Variants in RAB3IL1 observed in about 807,000 individuals in gnomAD.
The protein encoded by RAB3IL1 is guanine nucleotide exchange factor for Rab-3A.
Under a neutral mutation model 49.2 loss-of-function variants are expected in RAB3IL1, and 37 were observed. The ratio of observed to expected loss-of-function variants is 0.75; its 90% confidence interval spans 0.58 to 0.99. RAB3IL1 has a LOEUF of 0.99. Among genes scored for constraint, RAB3IL1 ranks in the 50% least tolerant of loss-of-function variants. The pLI, the probability that RAB3IL1 is intolerant of heterozygous loss-of-function variation, is 0.00. For synonymous variants in RAB3IL1, 193 were observed against 213.9 expected, an observed-to-expected ratio of 0.90 and a Z score of 0.85; for missense variants, 484 against 513.0, an observed-to-expected ratio of 0.94 and a Z score of 0.55.
chr11:61,913,985 A>C lies in RAB3IL1; in HGVS notation c.11+3372T>G, dbSNP rs185391211. 6.6e-5 allele frequency among the ~76,000 whole-genome samples: 10 copies of C among 152,342 alleles called. No homozygotes were observed. The East Asian group carries it at 1.3e-3, about 21-fold the overall frequency. ...AAGATCTCCACCTGTTGAGGGGTAG[A>C]GTAGGCAGTTAGATCACGGAGGGCT... On this transcript the variant is annotated intron_variant, in intron 1 of 9. Coordinates refer to ENST00000394836, the MANE Select transcript of RAB3IL1 (RefSeq NM_013401.4).
At chr11:61,900,825 G>A (rs1213639198) in intron 8 of RAB3IL1, among the ~76,000 whole-genome samples, 1 of 152,206 alleles carries the variant, frequency 6.6e-6, no homozygotes, top group African/African-American at 2.4e-5. Context: ...TAAAGTGCTA[G>A]AGGTGACATT....
chr11:61,934,986 T>A, the RAB3IL1 span, among the ~76,000 whole-genome samples: 1 of 152,108 alleles, frequency 6.6e-6, no homozygotes, highest in African/African-American at 2.4e-5. Flanking sequence ...CAAGCCTCAA[T>A]AACAAACTCT....
chr11:61,921,413 G>C (rs1183882005), upstream of RAB3IL1, among the ~76,000 whole-genome samples: 1 of 152,172 alleles, frequency 6.6e-6, no homozygotes, highest in Non-Finnish European at 1.5e-5. Flanking sequence ...CCATTGCCCA[G>C]ATGTGCCCAT....
chr11:61,899,726 G>GTTTTT, intron 8 of RAB3IL1: 25 of 284,666 alleles, frequency 8.8e-5, no homozygotes, highest in South Asian at 1.2e-4. Context: ...CAGCAGAGCT[G>GTTTTT]TGAGATGAAC....
In RAB3IL1 at chr11:61,898,480, C is replaced by T. The variant is rs1037943842; in HGVS notation, c.1067-120G>A. 3 of 784,582 alleles carry T rather than the reference C, an allele frequency of 3.8e-6. No homozygotes were observed. The Admixed American group carries it at 6.1e-5, about 16-fold the overall frequency. 48.6% of individuals were successfully genotyped at this position (784,582 alleles called of 1,614,324 possible). A position where few individuals can be genotyped will look rare whatever the true frequency, so the allele number is the denominator to read the frequency against. ...TGGCACAGCACCCTAGGGTCCCCGG[C>T]CCCCAAAACAGATGACCTCAGTGAG... On this transcript the variant is annotated intron_variant, in intron 9 of 9. Transcript: ENST00000394836. The surrounding 1 kb of genome is among the most constrained non-coding windows in gnomAD (Gnocchi z 5.1).
the RAB3IL1 span, among the ~76,000 whole-genome samples, chr11:61,943,431 G>A: frequency 6.6e-6 from 1 of 152,186 alleles, no homozygotes; most frequent in African/African-American, 2.4e-5. Flanking sequence ...GGATTTGACA[G>A]TGTCAAAATT....
At chr11:61,899,753 G>A (rs1850306305) in intron 8 of RAB3IL1, 1 of 211,786 alleles carries the variant, frequency 4.7e-6, no homozygotes, top group Non-Finnish European at 9.7e-6. Flanking sequence ...GGCTGTCCCG[G>A]AGTCTACACT....
chr11:61,902,736 C>G (rs549702716), intron 7 of RAB3IL1, among the ~76,000 whole-genome samples, 195 bp from the exon 8 acceptor site: 2 of 152,202 alleles, frequency 1.3e-5, no homozygotes, highest in Non-Finnish European at 2.9e-5. Context: ...GGACAGACCT[C>G]GAACTAAGCT....
chr11:61,932,957 G>A, the RAB3IL1 span, among the ~76,000 whole-genome samples: 1 of 151,980 alleles, frequency 6.6e-6, no homozygotes. Flanking sequence ...TTTTAGTTGA[G>A]ACAGGATTTC....
chr11:61,915,710 T>C (rs556624499), intron 1 of RAB3IL1, among the ~76,000 whole-genome samples: 1 of 152,212 alleles, frequency 6.6e-6, no homozygotes, highest in African/African-American at 2.4e-5. Flanking sequence ...TGCCAACAAA[T>C]ACACTAGTGG....
In RAB3IL1 at chr11:61,897,517, G is replaced by C. The variant is rs1938682662; in HGVS notation, c.*761C>G. 6.6e-6 allele frequency: 1 copy of C among 152,304 alleles called. No individual in the cohort carries two copies. The highest frequency in any genetic ancestry group is 2.4e-5 in the African/African-American group (1 of 41,426). 9.4% of individuals were successfully genotyped at this position (152,304 alleles called of 1,614,324 possible). A position where few individuals can be genotyped will look rare whatever the true frequency, so the allele number is the denominator to read the frequency against. On this transcript the variant is annotated 3_prime_UTR_variant, in exon 10 of 10. Coordinates refer to ENST00000394836, the MANE Select transcript of RAB3IL1 (RefSeq NM_013401.4). ...GCCACCCACAGCTGAAAACAGGCGTGGGTGATCTGAAGCCCTGTCTGTGTT... is the reference window on the plus strand; with the variant it reads ...GCCACCCACAGCTGAAAACAGGCGTCGGTGATCTGAAGCCCTGTCTGTGTT...
At chr11:61,911,522 T>A (rs930508245) in intron 1 of RAB3IL1, among the ~76,000 whole-genome samples, 5 of 152,156 alleles carry the variant, frequency 3.3e-5, no homozygotes, top group African/African-American at 1.2e-4. Context: ...AACCTGGCTG[T>A]GAACACCCAA....
chr11:61,917,397 T>TTCCCAGCGCCGCCGCGTCC lies in RAB3IL1; in HGVS notation c.-49_-31dup, dbSNP rs1048301981. 30 of 1,227,370 alleles carry TTCCCAGCGCCGCCGCGTCC rather than the reference T, an allele frequency of 2.4e-5. No individual in the cohort carries two copies. The Admixed American group carries it at 6.5e-4, about 27-fold the overall frequency. The allele number at this position is 1,227,370 out of a possible 1,614,324, so 76.0% of individuals were successfully genotyped here. A position where few individuals can be genotyped will look rare whatever the true frequency, so the allele number is the denominator to read the frequency against. On this transcript the variant is annotated 5_prime_UTR_variant, in exon 1 of 10. Transcript: ENST00000394836. ...GCGCCTCGGGGCGCCCAGGCGTCCG[T>TTCCCAGCGCCGCCGCGTCC]TCCCAGCGCCGCCGCGTCCTCCCAG...
At chr11:61,911,894 G>A (rs2136054837) in intron 1 of RAB3IL1, among the ~76,000 whole-genome samples, 1 of 152,174 alleles carries the variant, frequency 6.6e-6, no homozygotes, top group African/African-American at 2.4e-5. Flanking sequence ...CACCCCACCA[G>A]GCCCACCCTA....
At chr11:61,937,369 C>T in the RAB3IL1 span, among the ~76,000 whole-genome samples, 368 of 152,152 alleles carry the variant, frequency 2.4e-3, no homozygotes, top group Middle Eastern at 6.8e-3. Context: ...TGCAGTGTTG[C>T]GATTATGGCT....
At chr11:61,926,264 C>T in the RAB3IL1 span, among the ~76,000 whole-genome samples, 30 of 152,208 alleles carry the variant, frequency 2.0e-4, no homozygotes, top group African/African-American at 6.5e-4. Context: ...TTCACTCATT[C>T]ATCAGATTTT....
rs962531932 is a variant in RAB3IL1 at position 61,915,013 on chromosome 11, G to A, written c.11+2344C>T. Among the ~76,000 whole-genome samples the A allele has an allele frequency of 2.0e-5, 3 of 152,274 alleles. 1 individual carries two copies. Among genetic ancestry groups the A allele is most frequent in the Admixed American group, 2.0e-4 (3 of 15,298 alleles). ...ACCAGGCACCCAGTGGGGGCTAGCA[G>A]CTTGGCCCCTGACTCTAAATCCCTG... On this transcript the variant is annotated intron_variant, in intron 1 of 9. Transcript: ENST00000394836.
intron 8 of RAB3IL1, 80 bp from the exon 9 acceptor site, chr11:61,899,460 A>G: frequency 7.3e-7 from 1 of 1,375,498 alleles, no homozygotes; most frequent in Non-Finnish European, 1.0e-6. Context: ...AGTCCAGAGC[A>G]GGAGGCCCCA....
At chr11:61,940,931 T>A in the RAB3IL1 span, among the ~76,000 whole-genome samples, 2 of 144,408 alleles carry the variant, frequency 1.4e-5, no homozygotes, top group Non-Finnish European at 3.1e-5. Flanking sequence ...AAAAAAAAAA[T>A]GTAAAAATTA....
Sources: allele counts gnomAD v4.1 joint callset (sites outside exome capture counted in the v4.1 genomes callset), GRCh38; gene constraint gnomAD v4.1.1; non-coding constraint Gnocchi (gnomAD v3.1); transcripts MANE v1.5; gene names NCBI Gene and HGNC (gene_info 2026-07-23, HGNC 2026-07-21).